Variants in RAPGEF1 observed in about 807,000 individuals in gnomAD.
RAPGEF1 encodes Rap guanine nucleotide exchange factor 1.
A neutral mutation model predicts 143.3 loss-of-function variants in RAPGEF1; 33 were observed. That is an observed-to-expected ratio of 0.23 (90% confidence interval 0.17 to 0.31). RAPGEF1 has a LOEUF of 0.31. Among genes scored for constraint, RAPGEF1 ranks in the 10% least tolerant of loss-of-function variants. The probability of loss-of-function intolerance (pLI) is 1.00; values close to 1 mark genes in which losing one functional copy is unlikely to be tolerated. For synonymous variants in RAPGEF1, 629 were observed against 676.5 expected, an observed-to-expected ratio of 0.93 and a Z score of 1.09; for missense variants, 1,199 against 1,645.4, an observed-to-expected ratio of 0.73 and a Z score of 4.69.
At position 131,675,119 on chromosome 9, in the gene RAPGEF1, A is replaced by T. The variant is rs1173178088; in HGVS notation, c.62-24170T>A. On this transcript the variant is annotated intron_variant, in intron 1 of 26. Transcript: ENST00000683357. This position sits in a 1 kb window ranked among gnomAD's most constrained non-coding sequence, Gnocchi z 4.6. ...GGTAGCAACTGTGCTTGCCACCAAG[A>T]GGAAACTGGCTTAAAAAGAAGCTGG... 6.6e-6 allele frequency among the ~76,000 whole-genome samples: 1 copy of T among 152,082 alleles called. No individual in the cohort carries two copies. The highest frequency in any genetic ancestry group is 6.5e-5 in the Admixed American group (1 of 15,276).
intron 17 of RAPGEF1, 62 bp from the exon 18 acceptor site, chr9:131,592,245 A>G: frequency 2.2e-6 from 3 of 1,386,278 alleles, no homozygotes; most frequent in Non-Finnish European, 3.1e-6. Flanking sequence ...GGTGGTAGCC[A>G]GGGTGGATTT....
intron 1 of RAPGEF1, among the ~76,000 whole-genome samples, chr9:131,672,352 T>C (rs1045750955): frequency 2.0e-5 from 3 of 152,262 alleles, no homozygotes; most frequent in South Asian, 4.1e-4. Flanking sequence ...TAGGACAACA[T>C]TGTGTCTTCA....
intron 1 of RAPGEF1, among the ~76,000 whole-genome samples, chr9:131,705,185 A>G (rs1834959161): frequency 6.6e-6 from 1 of 152,188 alleles, no homozygotes; most frequent in South Asian, 2.1e-4. Flanking sequence ...TGCACTGTGC[A>G]CCAGGAACCA....
chr9:131,579,978 C>T lies in RAPGEF1; in HGVS notation c.3641+285G>A, dbSNP rs542734232. 6.6e-5 allele frequency among the ~76,000 whole-genome samples: 10 copies of T among 152,322 alleles called. No homozygotes were observed. The East Asian group carries it at 1.9e-3, about 29-fold the overall frequency. On this transcript the variant is annotated intron_variant, in intron 26 of 26. Coordinates refer to ENST00000683357, the MANE Select transcript of RAPGEF1 (RefSeq NM_001377935.1). The stretch of plus-strand genomic sequence containing the variant: ...TCAGGCAGGCCAGGGTTTGTCAGGC[C>T]CTTCTCACAGCAAGGTGGGCACCAG...
chr9:131,712,938 T>C (rs993021753), intron 1 of RAPGEF1, among the ~76,000 whole-genome samples: 3 of 152,090 alleles, frequency 2.0e-5, no homozygotes, highest in African/African-American at 7.2e-5. Flanking sequence ...AAGCGTCTTT[T>C]ACAGTCATCC....
rs1208013570 is a variant in RAPGEF1, at chr9:131,663,804, T to C, written c.62-12855A>G. Among the ~76,000 whole-genome samples, 3 of 152,244 alleles carry C rather than the reference T, an allele frequency of 2.0e-5. No individual in the cohort carries two copies. In the East Asian group the frequency reaches 5.8e-4, roughly 29 times the overall value. On this transcript the variant is annotated intron_variant, in intron 1 of 26. Coordinates refer to ENST00000683357, the MANE Select transcript of RAPGEF1 (RefSeq NM_001377935.1). ...TTCTCCACTGCAATGATATAGTTTC[T>C]CCTTTGTAACTAATAAGTAATCTGT... is the stretch of plus-strand genomic sequence containing the variant.
chr9:131,734,207 C>A (rs1012855471), intron 1 of RAPGEF1, among the ~76,000 whole-genome samples: 15 of 152,200 alleles, frequency 9.9e-5, no homozygotes, highest in African/African-American at 3.4e-4. Context: ...TCTATAAAGG[C>A]AAGAAAGGGG....
intron 17 of RAPGEF1, 134 bp from the exon 18 acceptor site, chr9:131,592,317 G>A (rs888322512): frequency 6.2e-6 from 4 of 647,946 alleles, no homozygotes; most frequent in African/African-American, 1.8e-5. Context: ...CGAGGGAGCC[G>A]AGGGCTTGGG....
chr9:131,651,059 G>C lies in RAPGEF1; in HGVS notation c.62-110C>G, dbSNP rs556375685. 19 of 1,328,652 alleles carry C rather than the reference G, an allele frequency of 1.4e-5. No individual in the cohort carries two copies. The African/African-American group carries it at 2.5e-4, about 18-fold the overall frequency. The allele number at this position is 1,328,652 out of a possible 1,614,324, so 82.3% of individuals were successfully genotyped here. ...CCCAAACCCATCTTTTTTCTTGGCT[G>C]TTGAGAGTTTCAAGGGAAAGGACGT... On this transcript the variant is annotated intron_variant, in intron 1 of 26. Coordinates refer to ENST00000683357, the MANE Select transcript of RAPGEF1 (RefSeq NM_001377935.1).
At chr9:131,692,066 T>C (rs1274927049) in intron 1 of RAPGEF1, among the ~76,000 whole-genome samples, 1 of 152,236 alleles carries the variant, frequency 6.6e-6, no homozygotes, top group South Asian at 2.1e-4. Context: ...TAACAGAATA[T>C]AGTTGGAAAT....
intron 1 of RAPGEF1, among the ~76,000 whole-genome samples, chr9:131,730,634 G>A (rs768096060): frequency 6.9e-6 from 1 of 143,948 alleles, no homozygotes; most frequent in Non-Finnish European, 1.5e-5. Context: ...GGGGGAGGTT[G>A]CAGTGAGCCG....
At position 131,650,170 on chromosome 9, in the gene RAPGEF1, T is replaced by A. The variant is rs1289615839; in HGVS notation, c.274A>T (p.Met92Leu). The change falls in exon 3 of 27, where the codon ATG becomes TTG. Residue 92 changes from methionine (M) to leucine (L), a missense_variant. Physicochemically the swap from Met to Leu is conservative, Grantham distance 15 (BLOSUM62 2). Around this residue, in one of 6 missense-constraint regions of RAPGEF1, gnomAD observed 613 missense variants for 710.9 expected, o/e 0.86. Coordinates refer to ENST00000683357, the MANE Select transcript of RAPGEF1 (RefSeq NM_001377935.1). This position sits in a 1 kb window ranked among gnomAD's most constrained non-coding sequence, Gnocchi z 4.7. ...CTGGAAGCCACAGCACTGGTGGACA[T>A]AAATTCTACTGCCTGCTGCTCCAGA... ...LDLEQQAVEF[M>L]STSAVASRSQ... is the part of the protein sequence containing the mutation. 2 of 1,613,924 alleles carry A rather than the reference T, an allele frequency of 1.2e-6. No individual in the cohort carries two copies. Among genetic ancestry groups the A allele is most frequent in the Non-Finnish European group, 1.7e-6 (2 of 1,179,848 alleles).
intron 22 of RAPGEF1, among the ~76,000 whole-genome samples, chr9:131,587,284 G>A (rs142911925): frequency 1.1e-5 from 1 of 89,102 alleles, no homozygotes; most frequent in Admixed American, 9.9e-5. Flanking sequence ...ACACACACCT[G>A]CAGAGCGAGA....
chr9:131,712,720 C>CT (rs1835595566), intron 1 of RAPGEF1, among the ~76,000 whole-genome samples: 1 of 152,200 alleles, frequency 6.6e-6, no homozygotes, highest in Non-Finnish European at 1.5e-5. Flanking sequence ...TCCTAGGTTC[C>CT]AAACAACTAA....
intron 1 of RAPGEF1, among the ~76,000 whole-genome samples, chr9:131,683,162 T>C (rs965627751): frequency 6.6e-6 from 1 of 152,234 alleles, no homozygotes; most frequent in Non-Finnish European, 1.5e-5. Flanking sequence ...TTGAAAGAAC[T>C]GCTTCAAGTG....
At chr9:131,739,747 G>A in intron 1 of RAPGEF1, 23 bp downstream of exon 1, 1 of 1,131,528 alleles carries the variant, frequency 8.8e-7, no homozygotes, top group Non-Finnish European at 1.1e-6. Context: ...GCCGGAGGGA[G>A]CCGCCCCACG....
chr9:131,681,291 G>A (rs1450915998), intron 1 of RAPGEF1, among the ~76,000 whole-genome samples: 1 of 152,128 alleles, frequency 6.6e-6, no homozygotes, highest in Non-Finnish European at 1.5e-5. Context: ...CCCAGTGACT[G>A]TTCAAGCAGC....
Position 131,596,319 on chromosome 9 carries a change from C to T in RAPGEF1, c.2668G>A (p.Ala890Thr). Residue 890 changes from alanine to threonine, a missense_variant, in exon 17 of 27, where the codon GCT becomes ACT. Physicochemically the swap from Ala to Thr is moderately conservative, Grantham distance 58. This residue lies in a region of RAPGEF1 where 209 missense variants were observed against 403.0 expected (regional missense o/e 0.52). Coordinates refer to ENST00000683357, the MANE Select transcript of RAPGEF1 (RefSeq NM_001377935.1). ...GGSGDILLVHATETDRKDLVL... is the reference protein window; with the variant it reads ...GGSGDILLVHTTETDRKDLVL... ...CTACCTTTCCTGTCAGTCTCAGTAG[C>T]ATGGACCAGTAAGATGTCCCCAGAT... 6.2e-7 allele frequency: 1 copy of T among 1,613,996 alleles called. No individual in the cohort carries two copies. Among genetic ancestry groups the T allele is most frequent in the Non-Finnish European group, 8.5e-7 (1 of 1,179,888 alleles).
intron 1 of RAPGEF1, among the ~76,000 whole-genome samples, chr9:131,734,838 C>T (rs1421127480): frequency 1.3e-5 from 2 of 152,214 alleles, no homozygotes; most frequent in Non-Finnish European, 2.9e-5. Flanking sequence ...AAAGCATCTT[C>T]ACACATTTGA....
Sources: allele counts gnomAD v4.1 joint callset (sites outside exome capture counted in the v4.1 genomes callset), GRCh38; gene constraint gnomAD v4.1.1; regional missense constraint gnomAD v4.1.1; non-coding constraint Gnocchi (gnomAD v3.1); transcripts MANE v1.5; gene names NCBI Gene and HGNC (gene_info 2026-07-23, HGNC 2026-07-21).